Variants in CRPPA observed in about 807,000 individuals in gnomAD.
CRPPA encodes the protein D-ribitol-5-phosphate cytidylyltransferase.
Under a neutral mutation model 52.0 loss-of-function variants are expected in CRPPA, and 43 were observed. That is an observed-to-expected ratio of 0.83 (90% CI 0.65 to 1.07). The LOEUF is 1.07. CRPPA is among the 50% of genes least tolerant of loss of function. The pLI is 0.00. For missense variants in CRPPA, 629 were observed against 551.7 expected (o/e 1.14, Z -1.40); for synonymous variants, 250 against 203.5 (o/e 1.23, Z -1.94).
chr7:16,119,955 C>A (rs1055892500), intron 9 of CRPPA, among the ~76,000 whole-genome samples: 3 of 152,148 alleles, frequency 2.0e-5, no homozygotes, highest in African/African-American at 7.2e-5. Flanking sequence ...CTAAGGATCA[C>A]ACAGGAGTGT....
At chr7:16,400,304 C>T (rs1456129339) in intron 2 of CRPPA, among the ~76,000 whole-genome samples, 1 of 152,194 alleles carries the variant, frequency 6.6e-6, no homozygotes, top group African/African-American at 2.4e-5. Context: ...AGACACGGAA[C>T]ATGATTGACA....
intron 3 of CRPPA, among the ~76,000 whole-genome samples, chr7:16,332,765 TA>T (rs1217562996): frequency 1.3e-5 from 2 of 152,076 alleles, no homozygotes; most frequent in South Asian, 4.2e-4. Context: ...TAAAATAGTT[TA>T]AAAATGTAGT....
rs141259768 is a variant in CRPPA, at chr7:16,090,596, G to A, written c.*1099C>T. On this transcript the variant is annotated 3_prime_UTR_variant, in exon 10 of 10. Transcript: ENST00000407010. ...AAATTAGCCAGGTGTGGTGGCAGGT[G>A]CCTGTAATCCCAGCTACTCGGGAGG... The A allele has an allele frequency of 0.014, 2,160 of 151,194 alleles. 45 individuals carry two copies. The highest frequency in any genetic ancestry group is 0.047 in the African/African-American group (1,916 of 41,060). 9.4% of individuals were successfully genotyped at this position (151,194 alleles called of 1,614,324 possible).
chr7:16,111,656 A>G (rs746964475), intron 9 of CRPPA, among the ~76,000 whole-genome samples: 1 of 152,202 alleles, frequency 6.6e-6, no homozygotes, highest in African/African-American at 2.4e-5. Flanking sequence ...GCTAAATAAA[A>G]TAAGCCTGAC....
chr7:16,342,802 T>TAG (rs1412142941), intron 3 of CRPPA, among the ~76,000 whole-genome samples: 1 of 84,788 alleles, frequency 1.2e-5, no homozygotes, highest in African/African-American at 5.3e-5. Context: ...TATATATCTA[T>TAG]ATAGATATAT....
At chr7:16,349,172 G>C (rs770408927) in intron 3 of CRPPA, among the ~76,000 whole-genome samples, 2 of 152,134 alleles carry the variant, frequency 1.3e-5, no homozygotes, top group Non-Finnish European at 1.5e-5. Context: ...ACATCTAGAG[G>C]GTCTTGGCTT....
At position 16,186,181 on chromosome 7, in the gene CRPPA, T is replaced by G. The variant is rs537996973; in HGVS notation, c.1251+29885A>C. The stretch of plus-strand genomic sequence containing the variant: ...TCTTTGGAGGATATTATGGACTGAA[T>G]GTATGTGCTCCCTATACCCAGTTTA... On this transcript the variant is annotated intron_variant, in intron 9 of 9. Transcript: ENST00000407010. Among the ~76,000 whole-genome samples the G allele has an allele frequency of 5.3e-5, 8 of 152,312 alleles. No individual in the cohort carries two copies. In the East Asian group the frequency reaches 1.3e-3, roughly 26 times the overall value.
At chr7:16,363,154 T>G (rs866876370) in intron 3 of CRPPA, among the ~76,000 whole-genome samples, 6 of 152,120 alleles carry the variant, frequency 3.9e-5, no homozygotes, top group South Asian at 2.1e-4. Flanking sequence ...CTAAAGAAGC[T>G]CCAAGTTTAG....
intron 9 of CRPPA, among the ~76,000 whole-genome samples, chr7:16,149,748 G>A (rs1313303415): frequency 6.6e-6 from 1 of 152,180 alleles, no homozygotes; most frequent in Non-Finnish European, 1.5e-5. Flanking sequence ...CAATTTGGGA[G>A]GCTGAGGCGA....
chr7:16,286,093 A>ATATATATAT (rs1554309913), intron 5 of CRPPA, among the ~76,000 whole-genome samples: 9 of 27,726 alleles, frequency 3.2e-4, no homozygotes, highest in African/African-American at 1.9e-3. Context: ...TATTTAAAAA[A>ATATATATAT]AAAAATATAT....
rs566073752 is a variant in CRPPA, at chr7:16,397,650, C to T, written c.534+8411G>A. 5.3e-5 allele frequency among the ~76,000 whole-genome samples: 8 copies of T among 152,126 alleles called. No individual in the cohort carries two copies. In the East Asian group the frequency reaches 1.4e-3, roughly 26 times the overall value. On this transcript the variant is annotated intron_variant, in intron 2 of 9. Coordinates refer to ENST00000407010, the MANE Select transcript of CRPPA (RefSeq NM_001101426.4). ...CACGTGTGTGACACGTGACACATGA[C>T]TGACATGTGACTAAGACGTCACCGA... is the stretch of plus-strand genomic sequence containing the variant.
chr7:16,349,788 G>A (rs762171750), intron 3 of CRPPA, among the ~76,000 whole-genome samples: 3 of 151,988 alleles, frequency 2.0e-5, no homozygotes, highest in African/African-American at 7.2e-5. Flanking sequence ...GTGGAAGAAC[G>A]TATGCATTAT....
intron 6 of CRPPA, among the ~76,000 whole-genome samples, chr7:16,264,317 A>G (rs1363436062): frequency 2.0e-5 from 3 of 152,206 alleles, no homozygotes; most frequent in African/African-American, 7.2e-5. Context: ...ATTTTGGTTC[A>G]AAGGACATTT....
Position 16,398,272 on chromosome 7 carries a change from A to G in CRPPA, c.534+7789T>C, listed in dbSNP as rs558456302. ...CACGTGACTCACACGTGACCAGTGC[A>G]TGATTGACAAGACAAACACGTGACT... is the stretch of plus-strand genomic sequence containing the variant. On this transcript the variant is annotated intron_variant, in intron 2 of 9. Coordinates refer to ENST00000407010, the MANE Select transcript of CRPPA (RefSeq NM_001101426.4). Among the ~76,000 whole-genome samples the G allele has an allele frequency of 6.6e-5, 10 of 151,958 alleles. No individual in the cohort carries two copies. The South Asian group carries it at 2.1e-3, about 32-fold the overall frequency.
chr7:16,190,488 G>A lies in CRPPA; in HGVS notation c.1251+25578C>T, dbSNP rs17169326. Among the ~76,000 whole-genome samples, 26 of 152,228 alleles carry A rather than the reference G, an allele frequency of 1.7e-4. No homozygotes were observed. In the East Asian group the frequency reaches 2.9e-3, roughly 17 times the overall value. ...CAATAGATTTATTCCATTTGGCTTC[G>A]CTGTATAACTGAAAATAAAAAGTAA... On this transcript the variant is annotated intron_variant, in intron 9 of 9. Coordinates refer to ENST00000407010, the MANE Select transcript of CRPPA (RefSeq NM_001101426.4).
chr7:16,109,912 C>G (rs555606365), intron 9 of CRPPA, among the ~76,000 whole-genome samples: 1 of 151,998 alleles, frequency 6.6e-6, no homozygotes, highest in Non-Finnish European at 1.5e-5. Flanking sequence ...CCCACACTTA[C>G]CACTTCTATT....
chr7:16,326,362 A>G (rs999778417), intron 3 of CRPPA, among the ~76,000 whole-genome samples: 1 of 152,210 alleles, frequency 6.6e-6, no homozygotes, highest in Non-Finnish European at 1.5e-5. Flanking sequence ...AAGGCTAGGA[A>G]ACATATGTAG....
At chr7:16,317,412 T>C (rs1044386263) in intron 3 of CRPPA, among the ~76,000 whole-genome samples, 1 of 152,208 alleles carries the variant, frequency 6.6e-6, no homozygotes, top group African/African-American at 2.4e-5. Context: ...GTTTAAATGT[T>C]ACCAGATGCT....
intron 9 of CRPPA, among the ~76,000 whole-genome samples, chr7:16,093,528 G>A (rs1338739471): frequency 6.6e-6 from 1 of 152,142 alleles, no homozygotes; most frequent in Non-Finnish European, 1.5e-5. Flanking sequence ...GTTCTGAGGG[G>A]TGGAGCTGGA....
Sources: allele counts gnomAD v4.1 joint callset (sites outside exome capture counted in the v4.1 genomes callset), GRCh38; gene constraint gnomAD v4.1.1; transcripts MANE v1.5; gene names NCBI Gene and HGNC (gene_info 2026-07-23, HGNC 2026-07-21).